The following PLCB4 variants were observed in gnomAD, a reference collection of about 807,000 sequenced individuals.
PLCB4 encodes phospholipase C beta 4.
Under a neutral mutation model 178.8 loss-of-function variants are expected in PLCB4, and 77 were observed. That is an observed-to-expected ratio of 0.43 (90% CI 0.36 to 0.52). The LOEUF (loss-of-function observed/expected upper bound fraction) is 0.52, where lower values mean the gene tolerates loss of function less well. Ranked by LOEUF, PLCB4 falls within the 20% of genes least tolerant of loss-of-function variation. PLCB4 has a pLI of 0.00. For synonymous variants in PLCB4, 496 were observed against 490.8 expected, an observed-to-expected ratio of 1.01 and a Z score of -0.14; for missense variants, 1,024 against 1,453.4, an observed-to-expected ratio of 0.70 and a Z score of 4.80.
chr20:9,149,650 G>A (rs2092658069), intron 2 of PLCB4, among the ~76,000 whole-genome samples: 1 of 151,560 alleles, frequency 6.6e-6, no homozygotes, highest in Non-Finnish European at 1.5e-5. Context: ...TAGAATGTTT[G>A]CATCGTAGTC....
chr20:9,351,452 A>G (rs2034334595), intron 7 of PLCB4, among the ~76,000 whole-genome samples: 1 of 152,194 alleles, frequency 6.6e-6, no homozygotes, highest in Non-Finnish European at 1.5e-5. Context: ...GGCATTATTC[A>G]GCTCAATATT....
intron 2 of PLCB4, among the ~76,000 whole-genome samples, chr20:9,104,254 C>T (rs2091283521): frequency 6.6e-6 from 1 of 152,140 alleles, no homozygotes; most frequent in Non-Finnish European, 1.5e-5. Context: ...ACTGCTTGGT[C>T]TTCCTCATAG....
chr20:9,118,980 G>A (rs1457285434), intron 2 of PLCB4, among the ~76,000 whole-genome samples: 6 of 152,126 alleles, frequency 3.9e-5, no homozygotes, highest in Non-Finnish European at 5.9e-5. Context: ...TCGGAAGTCT[G>A]GTGAGTTGAT....
chr20:9,123,067 T>G (rs539268203), intron 2 of PLCB4, among the ~76,000 whole-genome samples: 1 of 152,236 alleles, frequency 6.6e-6, no homozygotes, highest in East Asian at 1.9e-4. Flanking sequence ...TTTTTTTAAA[T>G]CAAGAGATTT....
At chr20:9,190,571 C>G (rs6056463) in intron 2 of PLCB4, among the ~76,000 whole-genome samples, 7,345 of 152,132 alleles carry the variant, frequency 0.048, 598 homozygotes, top group African/African-American at 0.17. Flanking sequence ...ACTAATAGAG[C>G]TGGGGTTGGT....
At chr20:9,329,561 G>A (rs544240627) in intron 4 of PLCB4, among the ~76,000 whole-genome samples, 11 of 152,236 alleles carry the variant, frequency 7.2e-5, no homozygotes, top group Admixed American at 1.3e-4. Flanking sequence ...CTCCCTGTTG[G>A]ATTCCAGCTG....
At chr20:9,172,016 T>C (rs749141833) in intron 2 of PLCB4, among the ~76,000 whole-genome samples, 22 of 152,104 alleles carry the variant, frequency 1.4e-4, no homozygotes, top group Non-Finnish European at 2.9e-4. Context: ...GCAAAATAAT[T>C]TGGGGTTTTC....
At chr20:9,322,524 G>T (rs1437022439) in intron 4 of PLCB4, among the ~76,000 whole-genome samples, 1 of 152,202 alleles carries the variant, frequency 6.6e-6, no homozygotes, top group Non-Finnish European at 1.5e-5. Context: ...AGTCAGTATA[G>T]CTTCCCAGGT....
chr20:9,329,477 T>G (rs1044934581), intron 4 of PLCB4, among the ~76,000 whole-genome samples: 2 of 152,174 alleles, frequency 1.3e-5, no homozygotes, highest in African/African-American at 4.8e-5. Context: ...CTGTGTATGT[T>G]ACCTAGCAAT....
intron 2 of PLCB4, among the ~76,000 whole-genome samples, chr20:9,199,700 A>T (rs1306810616): frequency 6.6e-6 from 1 of 152,206 alleles, no homozygotes; most frequent in Non-Finnish European, 1.5e-5. Context: ...TCTTAACAGC[A>T]TCCTTAATTT....
intron 2 of PLCB4, among the ~76,000 whole-genome samples, chr20:9,126,508 A>G (rs1018217535): frequency 6.6e-6 from 1 of 152,204 alleles, no homozygotes; most frequent in African/African-American, 2.4e-5. Flanking sequence ...TCATATTTAA[A>G]GAACTCTTTA....
chr20:9,315,209 T>C (rs1353132738), intron 4 of PLCB4, among the ~76,000 whole-genome samples: 1 of 152,224 alleles, frequency 6.6e-6, no homozygotes, highest in African/African-American at 2.4e-5. Context: ...ACTCTGTATA[T>C]TGTATGTGAA....
chr20:9,279,438 G>A (rs531509115), intron 3 of PLCB4, among the ~76,000 whole-genome samples: 1 of 152,012 alleles, frequency 6.6e-6, no homozygotes, highest in African/African-American at 2.4e-5. Flanking sequence ...GTGAAGGGGG[G>A]GAAATGACAT....
chr20:9,329,115 G>T (rs999208460), intron 4 of PLCB4, among the ~76,000 whole-genome samples: 1 of 152,134 alleles, frequency 6.6e-6, no homozygotes, highest in Non-Finnish European at 1.5e-5. Flanking sequence ...TGTACACGTG[G>T]TGACAAAGAA....
intron 2 of PLCB4, among the ~76,000 whole-genome samples, chr20:9,198,386 T>C (rs752074885): frequency 6.6e-6 from 1 of 152,198 alleles, no homozygotes; most frequent in Non-Finnish European, 1.5e-5. Flanking sequence ...AGAAGGTAGG[T>C]TGGCATCTAT....
chr20:9,244,526 G>T (rs918180011), intron 3 of PLCB4, among the ~76,000 whole-genome samples: 4 of 152,094 alleles, frequency 2.6e-5, no homozygotes. Flanking sequence ...ACAAAAAAAA[G>T]GTAATATTGG....
chr20:9,353,491 C>A (rs1016663196), intron 7 of PLCB4, among the ~76,000 whole-genome samples: 2 of 152,184 alleles, frequency 1.3e-5, no homozygotes, highest in African/African-American at 4.8e-5. Flanking sequence ...ATTTTTACTT[C>A]TTAACATGAT....
intron 2 of PLCB4, among the ~76,000 whole-genome samples, chr20:9,105,381 A>G (rs2091323375): frequency 6.6e-6 from 1 of 152,122 alleles, no homozygotes; most frequent in Non-Finnish European, 1.5e-5. Context: ...TTGGAAAGCC[A>G]GATTCAGTGT....
intron 1 of PLCB4, among the ~76,000 whole-genome samples, chr20:9,072,582 T>C (rs2089626495): frequency 6.6e-6 from 1 of 152,132 alleles, no homozygotes; most frequent in South Asian, 2.1e-4. Context: ...TTAAGCTTGC[T>C]TTGAAAATAT....
Sources: gnomAD v4.1 joint callset for allele counts (sites outside exome capture counted in the v4.1 genomes callset) on GRCh38, gnomAD v4.1.1 for gene constraint, MANE v1.5 for transcripts, NCBI Gene and HGNC (gene_info 2026-07-23, HGNC 2026-07-21) for gene names.